SERINC3: variants seen among roughly 807,000 people sequenced by gnomAD.
SERINC3 encodes the protein tumor differentially expressed protein 1.
In SERINC3, 22 loss-of-function variants were observed where a neutral mutation model predicts 52.1. That is an observed-to-expected ratio of 0.42 (90% CI 0.30 to 0.60). SERINC3 has a LOEUF of 0.60. SERINC3 is among the 20% of genes least tolerant of loss of function. SERINC3 has a pLI of 0.16. For synonymous variants in SERINC3, 226 were observed against 212.7 expected (o/e 1.06, Z -0.54); for missense variants, 564 against 584.6 (o/e 0.96, Z 0.36).
rs182295884 is a variant in SERINC3, at chr20:44,516,032, G to A, written c.40-1992C>T. Among the ~76,000 whole-genome samples, 399 of 152,218 alleles carry A rather than the reference G, an allele frequency of 2.6e-3. 1 individual carries two copies. Among genetic ancestry groups the A allele is most frequent in the African/African-American group, 9.4e-3 (390 of 41,536 alleles). ...TAAAGAGTAACCTAGGGCCAGGCGT[G>A]GTGGCTCACGCCTGTAATCCCAGCA... On this transcript the variant is annotated intron_variant, in intron 1 of 9. Coordinates refer to ENST00000342374, the MANE Select transcript of SERINC3 (RefSeq NM_006811.4).
intron 1 of SERINC3, among the ~76,000 whole-genome samples, chr20:44,514,627 G>A (rs1454221495): frequency 6.6e-6 from 1 of 152,190 alleles, no homozygotes; most frequent in Non-Finnish European, 1.5e-5. Flanking sequence ...CGGGTGTGGT[G>A]GCGGACGCCT....
chr20:44,500,100 A>G lies in SERINC3; in HGVS notation c.*196T>C. On this transcript the variant is annotated 3_prime_UTR_variant, in exon 10 of 10. Coordinates refer to ENST00000342374, the MANE Select transcript of SERINC3 (RefSeq NM_006811.4). Reference sequence around the variant, plus strand: ...TTGTGCTATATCCTTAGAAGTAAACATAATATACAGATAAATGAGAAGTTT... The same window carrying G: ...TTGTGCTATATCCTTAGAAGTAAACGTAATATACAGATAAATGAGAAGTTT... 1 of 596,532 alleles carries G rather than the reference A, an allele frequency of 1.7e-6. No homozygotes were observed. Among genetic ancestry groups the G allele is most frequent in the Non-Finnish European group, 2.8e-6 (1 of 352,024 alleles). 37.0% of individuals were successfully genotyped at this position (596,532 alleles called of 1,614,324 possible). A position where few individuals can be genotyped will look rare whatever the true frequency, so the allele number is the denominator to read the frequency against.
chr20:44,509,972 G>A lies in SERINC3; in HGVS notation c.532C>T (p.Leu178=). 1 of 1,613,990 alleles carries A rather than the reference G, an allele frequency of 6.2e-7. No individual in the cohort carries two copies. The highest frequency in any genetic ancestry group is 8.5e-7 in the Non-Finnish European group (1 of 1,179,876). Residue 178 remains leucine (L), a synonymous_variant, in exon 5 of 10, where the codon CTG becomes TTG. Coordinates refer to ENST00000342374, the MANE Select transcript of SERINC3 (RefSeq NM_006811.4). The part of the protein sequence containing the change: ...AALFILIQLV[L]LVDFAHSWNE... ...CAAGAATGAGCAAAATCTACCAGCA[G>A]CACCAGCTGAATGAGGATGAAGAGG... is the stretch of plus-strand genomic sequence containing the variant.
At chr20:44,512,325 C>CAAAAAAAAAA (rs920134707) in intron 3 of SERINC3, among the ~76,000 whole-genome samples, 3 of 49,346 alleles carry the variant, frequency 6.1e-5, no homozygotes, top group Non-Finnish European at 8.2e-5. Context: ...AAAAACAAAA[C>CAAAAAAAAAA]AAAAAAAAAA....
At chr20:44,513,413 G>A (rs560922200) in intron 2 of SERINC3, among the ~76,000 whole-genome samples, 1 of 152,250 alleles carries the variant, frequency 6.6e-6, no homozygotes, top group Admixed American at 6.5e-5. Context: ...TTGAACCAGG[G>A]AGGCGGAGGT....
chr20:44,506,191 G>C (rs912560308), intron 6 of SERINC3, among the ~76,000 whole-genome samples: 1 of 148,426 alleles, frequency 6.7e-6, no homozygotes, highest in African/African-American at 2.5e-5. Context: ...CAAGGCTGGA[G>C]AATCACTGGA....
In SERINC3 at chr20:44,499,175, C is replaced by G. The variant is rs532391451; in HGVS notation, c.*1121G>C. The G allele has an allele frequency of 2.0e-5, 3 of 152,462 alleles. No individual in the cohort carries two copies. In the South Asian group the frequency reaches 6.2e-4, roughly 32 times the overall value. 9.4% of individuals were successfully genotyped at this position (152,462 alleles called of 1,614,324 possible). Reference sequence around the variant, plus strand: ...GTTTAACACTGTACCCCAAAACCTACAGGGTCTAGTACAGAATAGACAGTA... The same window carrying G: ...GTTTAACACTGTACCCCAAAACCTAGAGGGTCTAGTACAGAATAGACAGTA... On this transcript the variant is annotated 3_prime_UTR_variant, in exon 10 of 10. Transcript: ENST00000342374.
intron 8 of SERINC3, among the ~76,000 whole-genome samples, chr20:44,502,105 A>C (rs1332601008): frequency 6.6e-6 from 1 of 152,188 alleles, no homozygotes; most frequent in Non-Finnish European, 1.5e-5. Flanking sequence ...TCTATCCAAC[A>C]ATGTAGTAAA....
At chr20:44,496,708 T>A (rs1011745577), downstream of SERINC3, among the ~76,000 whole-genome samples, 1 of 151,992 alleles carries the variant, frequency 6.6e-6, no homozygotes, top group African/African-American at 2.4e-5. Context: ...GCAGGAGAAT[T>A]GCTTGAACAT....
chr20:44,500,872 A>G (rs1222209574), intron 9 of SERINC3, among the ~76,000 whole-genome samples: 1 of 152,014 alleles, frequency 6.6e-6, no homozygotes, highest in Non-Finnish European at 1.5e-5. Flanking sequence ...AATTAACTCA[A>G]CTCTGTAAGA....
At chr20:44,504,966 G>A in intron 6 of SERINC3, 75 bp from the exon 7 acceptor site, 1 of 1,088,000 alleles carries the variant, frequency 9.2e-7, no homozygotes, top group Non-Finnish European at 1.4e-6. Context: ...GCACTTCTCT[G>A]GAGTTAATTC....
At chr20:44,515,005 T>C (rs1379201230) in intron 1 of SERINC3, among the ~76,000 whole-genome samples, 1 of 152,128 alleles carries the variant, frequency 6.6e-6, no homozygotes, top group African/African-American at 2.4e-5. Flanking sequence ...ATCACCAAAA[T>C]GTGGAAACAA....
At chr20:44,505,581 A>G (rs2064306638) in intron 6 of SERINC3, among the ~76,000 whole-genome samples, 1 of 152,022 alleles carries the variant, frequency 6.6e-6, no homozygotes, top group Non-Finnish European at 1.5e-5. Context: ...TTGGCCTCCC[A>G]AAGTGCTGGG....
rs767420097 is a variant in SERINC3, at chr20:44,513,879, C to A, written c.201G>T (p.Lys67Asn). 1 of 1,594,490 alleles carries A rather than the reference C, an allele frequency of 6.3e-7. No homozygotes were observed. The highest frequency in any genetic ancestry group is 1.1e-5 in the South Asian group (1 of 88,114). The stretch of plus-strand genomic sequence containing the variant: ...CCTTAAGGGCACTGTTACTTCTTAC[C>A]TTCTTCAAGTAAGTTTCCATCTCTT... ...QRKEMETYLK[K>N]IPGFCEGGFK... Residue 67 changes from lysine to asparagine, a missense_variant and splice_region_variant, in exon 2 of 10, where the codon AAG becomes AAT. Coordinates refer to ENST00000342374, the MANE Select transcript of SERINC3 (RefSeq NM_006811.4).
intron 5 of SERINC3, 51 bp from the exon 6 acceptor site, chr20:44,507,047 A>T (rs747907732): frequency 3.7e-6 from 5 of 1,347,702 alleles, no homozygotes; most frequent in Non-Finnish European, 4.9e-6. Flanking sequence ...TAAACTAATA[A>T]TGAAGGCCAA....
rs138068340 is a variant in SERINC3 at position 44,500,426 on chromosome 20, G to C, written c.1292C>G (p.Ala431Gly). 481 of 1,566,298 alleles carry C rather than the reference G, an allele frequency of 3.1e-4. 2 individuals carry two copies. In the African/African-American group the frequency reaches 6.0e-3, roughly 20 times the overall value. Residue 431 changes from alanine to glycine, a missense_variant, in exon 10 of 10, where the codon GCA (alanine) becomes GGA (glycine). Coordinates refer to ENST00000342374, the MANE Select transcript of SERINC3 (RefSeq NM_006811.4). ...MTLTSWYSPD[A>G]KFQSMTSKWP... The stretch of plus-strand genomic sequence containing the variant: ...CTTGCTGGTCATGCTCTGAAACTTT[G>C]CATCAGGGCTAAGAAAACAAGAGAG...
In SERINC3 at chr20:44,505,309, AT is replaced by A. The variant is rs375378566; in HGVS notation, c.784-419del. On this transcript the variant is annotated intron_variant, in intron 6 of 9. Coordinates refer to ENST00000342374, the MANE Select transcript of SERINC3 (RefSeq NM_006811.4). ...ATATTTCATATCTATAACTCCATGAATTTTTTTAAACGGTTTTTTTTTCTTT... is the reference window on the plus strand; with the variant it reads ...ATATTTCATATCTATAACTCCATGAATTTTTTAAACGGTTTTTTTTTCTTT... Among the ~76,000 whole-genome samples, 300 of 152,082 alleles carry A rather than the reference AT, an allele frequency of 2.0e-3. 1 individual carries two copies. The highest frequency in any genetic ancestry group is 6.8e-3 in the Middle Eastern group (2 of 294).
intron 5 of SERINC3, among the ~76,000 whole-genome samples, chr20:44,508,240 T>C (rs1415049800): frequency 2.0e-5 from 3 of 152,012 alleles, no homozygotes; most frequent in African/African-American, 7.2e-5. Flanking sequence ...TCCTAACACT[T>C]TGGGAGGGCA....
At chr20:44,517,174 G>A (rs1431278630) in intron 1 of SERINC3, among the ~76,000 whole-genome samples, 6 of 152,188 alleles carry the variant, frequency 3.9e-5, no homozygotes, top group Admixed American at 3.9e-4. Context: ...ATGAGATGAT[G>A]TCAGGAATAT....
Sources: gnomAD v4.1 joint callset for allele counts (sites outside exome capture counted in the v4.1 genomes callset) on GRCh38, gnomAD v4.1.1 for gene constraint, MANE v1.5 for transcripts, NCBI Gene and HGNC (gene_info 2026-07-23, HGNC 2026-07-21) for gene names.